TMPRSS5: variants seen among roughly 807,000 people sequenced by gnomAD.
TMPRSS5 encodes transmembrane protease serine 5.
TMPRSS5 carries 45 observed loss-of-function variants against 59.7 expected under a neutral mutation model. The ratio of observed to expected loss-of-function variants is 0.75; its 90% confidence interval spans 0.59 to 0.97. The LOEUF is 0.97. Among genes scored for constraint, TMPRSS5 ranks in the 50% least tolerant of loss-of-function variants. The pLI is 0.00. For synonymous variants in TMPRSS5, 225 were observed against 232.0 expected (o/e 0.97, Z 0.27); for missense variants, 585 against 596.7 (o/e 0.98, Z 0.20).
intron 12 of TMPRSS5, among the ~76,000 whole-genome samples, chr11:113,689,563 C>T (rs1374946030): frequency 1.3e-5 from 2 of 152,128 alleles, no homozygotes; most frequent in Non-Finnish European, 2.9e-5. Flanking sequence ...CAGGCATACT[C>T]TTACCCAGTT....
Position 113,699,508 on chromosome 11 carries a change from G to C in TMPRSS5, c.205+87C>G, listed in dbSNP as rs376251196. 37 of 1,104,128 alleles carry C rather than the reference G, an allele frequency of 3.4e-5. No individual in the cohort carries two copies. In the East Asian group the frequency reaches 3.4e-4, roughly 10 times the overall value. The allele number at this position is 1,104,128 out of a possible 1,614,324, so 68.4% of individuals were successfully genotyped here. The stretch of plus-strand genomic sequence containing the variant: ...CTGCACAGAGTAGTTGAGGAAGACA[G>C]TTGTCCCATTTACCTTTAACACCTG... On this transcript the variant is annotated intron_variant, in intron 3 of 12. Transcript: ENST00000299882.
chr11:113,700,487 A>G (rs1051229792), intron 1 of TMPRSS5, among the ~76,000 whole-genome samples: 6 of 152,110 alleles, frequency 3.9e-5, no homozygotes, highest in African/African-American at 7.2e-5. Flanking sequence ...GGCATCTACT[A>G]AAGTCCCTCA....
At position 113,690,883 on chromosome 11, in the gene TMPRSS5, G is replaced by A. The variant is rs367586238; in HGVS notation, c.1021C>T (p.Arg341Trp). Residue 341 changes from arginine to tryptophan, a missense_variant, in exon 10 of 13, where the codon CGG (arginine) becomes TGG (tryptophan). Arg to Trp is a moderately radical substitution (Grantham distance 101). Coordinates refer to ENST00000299882, the MANE Select transcript of TMPRSS5 (RefSeq NM_030770.4). ...AKEQHFPKGS[R>W]CWVSGWGHTH... Reference sequence around the variant, plus strand: ...TGGCCCCAGCCAGACACCCAGCACCGCGAGCCCTTCGGAAAATGCTGTTCC... The same window carrying A: ...TGGCCCCAGCCAGACACCCAGCACCACGAGCCCTTCGGAAAATGCTGTTCC... 8.1e-6 allele frequency: 13 copies of A among 1,597,284 alleles called. No homozygotes were observed. Among genetic ancestry groups the A allele is most frequent in the East Asian group, 4.5e-5 (2 of 44,128 alleles).
intron 12 of TMPRSS5, among the ~76,000 whole-genome samples, chr11:113,689,348 C>T (rs911167718): frequency 8.6e-5 from 13 of 151,982 alleles, no homozygotes; most frequent in African/African-American, 3.1e-4. Context: ...AAGAGCAAAA[C>T]TCCATCTCAA....
At position 113,699,012 on chromosome 11, in the gene TMPRSS5, G is replaced by A. The variant is rs757749175; in HGVS notation, c.221C>T (p.Pro74Leu). 6.2e-7 allele frequency: 1 copy of A among 1,611,706 alleles called. No homozygotes were observed. The highest frequency in any genetic ancestry group is 1.1e-5 in the South Asian group (1 of 90,206). ...CCCGGAAATGGGCTGAGAGGCAGCA[G>A]GACACAGATACAGCACTTTAGAGAA... ...GSWLLVLYLCPAASQPISGTL... is the reference protein window; with the variant it reads ...GSWLLVLYLCLAASQPISGTL... The change falls in exon 4 of 13, where the codon CCT becomes CTT. Residue 74 changes from proline (P) to leucine (L), a missense_variant. Coordinates refer to ENST00000299882, the MANE Select transcript of TMPRSS5 (RefSeq NM_030770.4).
chr11:113,699,726 C>T (rs1413399022), intron 2 of TMPRSS5, 33 bp from the exon 3 acceptor site: 1 of 1,543,060 alleles, frequency 6.5e-7, no homozygotes, highest in Non-Finnish European at 8.8e-7. Context: ...ATCTGGGTCC[C>T]CTGCTCCTGC....
At chr11:113,690,172 C>CCCGGG in intron 11 of TMPRSS5, 59 bp downstream of exon 11, 8 of 755,488 alleles carry the variant, frequency 1.1e-5, no homozygotes, top group Non-Finnish European at 1.5e-5. Context: ...ACAGCAGGCC[C>CCCGGG]CCTGCCCTCC....
At chr11:113,691,910 C>T (rs554456458) in intron 9 of TMPRSS5, among the ~76,000 whole-genome samples, 179 of 16,292 alleles carry the variant, frequency 0.011, no homozygotes, top group African/African-American at 0.019. Context: ...TTTTTTGAGA[C>T]GGAGTCTTGC....
chr11:113,698,917 G>C lies in TMPRSS5; in HGVS notation c.316C>G (p.Leu106Val), dbSNP rs368995197. The C allele has an allele frequency of 6.3e-7, 1 of 1,588,806 alleles. No homozygotes were observed. The highest frequency in any genetic ancestry group is 1.3e-5 in the African/African-American group (1 of 74,500). ...ASAEEALLPA[L>V]PKTVSFRINS... Reference sequence around the variant, plus strand: ...GGGTGCAGCCCACCTGTTTTGGGAAGTGCAGGGAGCAGAGCTTCCTCAGCG... The same window carrying C: ...GGGTGCAGCCCACCTGTTTTGGGAACTGCAGGGAGCAGAGCTTCCTCAGCG... Residue 106 changes from leucine to valine, a missense_variant, in exon 4 of 13, where the codon CTT becomes GTT. Transcript: ENST00000299882.
intron 9 of TMPRSS5, among the ~76,000 whole-genome samples, chr11:113,692,230 T>C (rs533157827): frequency 1.4e-5 from 2 of 147,534 alleles, no homozygotes; most frequent in South Asian, 4.5e-4. Context: ...TGTGATACAA[T>C]TTGTGAAATG....
At chr11:113,694,325 T>C in intron 8 of TMPRSS5, 153 bp downstream of exon 8, 1 of 636,040 alleles carries the variant, frequency 1.6e-6, no homozygotes, top group Non-Finnish European at 2.7e-6. Flanking sequence ...CTGTTCTTGA[T>C]ACTGAATGAG....
rs571828778 is a variant in TMPRSS5 at position 113,692,539 on chromosome 11, G to A, written c.964+532C>T. 9.2e-5 allele frequency among the ~76,000 whole-genome samples: 14 copies of A among 152,230 alleles called. No homozygotes were observed. The South Asian group carries it at 2.3e-3, about 25-fold the overall frequency. On this transcript the variant is annotated intron_variant, in intron 9 of 12. Transcript: ENST00000299882. ...TGGTATAGCTCCAGCCTGGGCTCAC[G>A]GGCAGGTGCAGCAGCAGGAGGAGCC...
chr11:113,695,451 A>T lies in TMPRSS5; in HGVS notation c.579-8T>A. 6.2e-7 allele frequency: 1 copy of T among 1,613,912 alleles called. No homozygotes were observed. Among genetic ancestry groups the T allele is most frequent in the South Asian group, 1.1e-5 (1 of 91,012 alleles). ...CCAGAAGTGCAGTTGTTCCTGCAAA[A>T]CAGAGGTACCAACAAGAAGCTGGGC... On this transcript the variant is annotated splice_polypyrimidine_tract_variant and splice_region_variant and intron_variant, in intron 6 of 12. Coordinates refer to ENST00000299882, the MANE Select transcript of TMPRSS5 (RefSeq NM_030770.4).
At position 113,699,647 on chromosome 11, in the gene TMPRSS5, C is replaced by G; in HGVS notation, c.153G>C (p.Val51=). 1 of 1,586,496 alleles carries G rather than the reference C, an allele frequency of 6.3e-7. No homozygotes were observed. The highest frequency in any genetic ancestry group is 8.6e-7 in the Non-Finnish European group (1 of 1,166,850). The change falls in exon 3 of 13, where the codon GTG becomes GTC. Residue 51 remains valine, a synonymous_variant. Transcript: ENST00000299882. ...CWRSMRRGCA[V]LGALGLLAGA... Reference sequence around the variant, plus strand: ...CGGCCAGCAGCCCCAGGGCTCCCAGCACTGCACAGCCACGTCGCATGGAAC... The same window carrying G: ...CGGCCAGCAGCCCCAGGGCTCCCAGGACTGCACAGCCACGTCGCATGGAAC...
intron 7 of TMPRSS5, among the ~76,000 whole-genome samples, chr11:113,695,066 GT>G (rs1361217016): frequency 6.6e-6 from 1 of 152,148 alleles, no homozygotes; most frequent in Non-Finnish European, 1.5e-5. Flanking sequence ...CTGCTAACAG[GT>G]CACTCAATAG....
rs541005148 is a variant in TMPRSS5 at position 113,688,817 on chromosome 11, G to A, written c.1360-543C>T. 2.0e-4 allele frequency among the ~76,000 whole-genome samples: 30 copies of A among 152,072 alleles called. No homozygotes were observed. The East Asian group carries it at 4.1e-3, about 21-fold the overall frequency. On this transcript the variant is annotated intron_variant, in intron 12 of 12. Transcript: ENST00000299882. Reference sequence around the variant, plus strand: ...ACCTCGTGATCCGCCCACCTCGGCCGCCCAAAGTGCTAGGATTACAGGCGT... The same window carrying A: ...ACCTCGTGATCCGCCCACCTCGGCCACCCAAAGTGCTAGGATTACAGGCGT...
chr11:113,704,266 C>T (rs921599019), intron 1 of TMPRSS5, among the ~76,000 whole-genome samples: 1 of 152,178 alleles, frequency 6.6e-6, no homozygotes, highest in African/African-American at 2.4e-5. Flanking sequence ...TTGGACAACT[C>T]AGGCCATCTC....
chr11:113,696,743 C>T (rs903209270), intron 6 of TMPRSS5, 115 bp downstream of exon 6: 12 of 680,648 alleles, frequency 1.8e-5, no homozygotes, highest in South Asian at 1.3e-4. Flanking sequence ...TCTTTGTCCT[C>T]CTATCATAGG....
intron 8 of TMPRSS5, 171 bp downstream of exon 8, chr11:113,694,307 G>T: frequency 1.7e-5 from 8 of 478,872 alleles, no homozygotes; most frequent in Admixed American, 7.3e-5. Flanking sequence ...ACTGTTATTT[G>T]TGCAGATCTG....
Sources: gnomAD v4.1 joint callset for allele counts (sites outside exome capture counted in the v4.1 genomes callset) on GRCh38, gnomAD v4.1.1 for gene constraint, MANE v1.5 for transcripts, NCBI Gene and HGNC (gene_info 2026-07-23, HGNC 2026-07-21) for gene names.